Variants in L3HYPDH observed in about 807,000 individuals in gnomAD.
L3HYPDH encodes the protein trans-L-3-hydroxyproline dehydratase.
In L3HYPDH, 32 loss-of-function variants were observed where a neutral mutation model predicts 26.5. That is an observed-to-expected ratio of 1.21 (90% CI 0.91 to 1.62). The LOEUF is 1.62. Ranked by LOEUF, L3HYPDH falls within the 40% of genes most tolerant of loss-of-function variation. The probability of loss-of-function intolerance (pLI) is 0.00; values close to 1 mark genes in which losing one functional copy is unlikely to be tolerated. For synonymous variants in L3HYPDH, 215 were observed against 196.6 expected, an observed-to-expected ratio of 1.09 and a Z score of -0.78; for missense variants, 554 against 476.4, an observed-to-expected ratio of 1.16 and a Z score of -1.52.
chr14:59,484,206 C>T lies in L3HYPDH; in HGVS notation c.111G>A (p.Ala37=), dbSNP rs1890308038. The change falls in exon 1 of 5, where the codon GCG becomes GCA. Residue 37 remains alanine (A), a synonymous_variant. Transcript: ENST00000247194. ...TGGEPLRIVL[A]GCPEVSGPTL... Reference sequence around the variant, plus strand: ...TGGGCCCAGACACCTCCGGACACCCCGCCAGCACGATACGCAAGGGCTCGC... The same window carrying T: ...TGGGCCCAGACACCTCCGGACACCCTGCCAGCACGATACGCAAGGGCTCGC... 2 of 1,598,806 alleles carry T rather than the reference C, an allele frequency of 1.3e-6. No individual in the cohort carries two copies. Among genetic ancestry groups the T allele is most frequent in the Non-Finnish European group, 1.7e-6 (2 of 1,179,714 alleles).
At chr14:59,482,417 C>T (rs1207090951) in intron 1 of L3HYPDH, among the ~76,000 whole-genome samples, 2 of 152,164 alleles carry the variant, frequency 1.3e-5, no homozygotes, top group African/African-American at 4.8e-5. Context: ...GGTTGACTGA[C>T]CCTGCCCTAA....
At chr14:59,481,107 G>C (rs1431305819) in intron 1 of L3HYPDH, among the ~76,000 whole-genome samples, 1 of 152,122 alleles carries the variant, frequency 6.6e-6, no homozygotes, top group Non-Finnish European at 1.5e-5. Context: ...CTTGGGTCTG[G>C]TTTTCTTAGG....
chr14:59,483,691 T>C (rs748216883), intron 1 of L3HYPDH, 118 bp downstream of exon 1: 1 of 1,475,674 alleles, frequency 6.8e-7, no homozygotes, highest in Non-Finnish European at 9.0e-7. Context: ...TTTCTATTAA[T>C]TGCAAGGTTT....
downstream of L3HYPDH, among the ~76,000 whole-genome samples, chr14:59,468,774 G>A (rs746260791): frequency 9.2e-5 from 14 of 152,296 alleles, no homozygotes; most frequent in Non-Finnish European, 1.3e-4. Context: ...TTGAGTAACT[G>A]TAAGAGGAGA....
chr14:59,503,009 C>T, the L3HYPDH span, among the ~76,000 whole-genome samples: 3 of 151,786 alleles, frequency 2.0e-5, no homozygotes, highest in African/African-American at 7.3e-5. Flanking sequence ...CGGCCTCCCA[C>T]AGTGCTGAGA....
At chr14:59,500,680 C>T in the L3HYPDH span, among the ~76,000 whole-genome samples, 1 of 152,094 alleles carries the variant, frequency 6.6e-6, no homozygotes, top group African/African-American at 2.4e-5. Context: ...ATTATTTGAC[C>T]ATTTTTTTGA....
chr14:59,487,816 C>CG (rs1890693675), upstream of L3HYPDH: 4 of 1,613,156 alleles, frequency 2.5e-6, no homozygotes, highest in Non-Finnish European at 2.5e-6. Flanking sequence ...GAATGGTACT[C>CG]GGGGAAAAAG....
At chr14:59,486,450 G>C (rs987619590), upstream of L3HYPDH, among the ~76,000 whole-genome samples, 7 of 152,202 alleles carry the variant, frequency 4.6e-5, no homozygotes, top group Non-Finnish European at 1.0e-4. Context: ...GTTAGGCTTT[G>C]AGTCCTGGAG....
intron 1 of L3HYPDH, among the ~76,000 whole-genome samples, chr14:59,466,600 G>T (rs1889186557): frequency 6.6e-6 from 1 of 152,216 alleles, no homozygotes; most frequent in South Asian, 2.1e-4. Flanking sequence ...GCACAAATTT[G>T]AGAAACACTG....
At chr14:59,474,526 C>T in intron 4 of L3HYPDH, 2 of 699,982 alleles carry the variant, frequency 2.9e-6, no homozygotes, top group Non-Finnish European at 5.2e-6. Flanking sequence ...CATAACAGCT[C>T]CTATAATATA....
chr14:59,494,888 G>A, the L3HYPDH span: 9 of 652,724 alleles, frequency 1.4e-5, no homozygotes, highest in Non-Finnish European at 2.4e-5. Flanking sequence ...AGAAAAAAAG[G>A]TTATACTCGA....
chr14:59,502,185 T>C, the L3HYPDH span, among the ~76,000 whole-genome samples: 1 of 152,178 alleles, frequency 6.6e-6, no homozygotes, highest in Non-Finnish European at 1.5e-5. Flanking sequence ...GTTACTAATA[T>C]ATTAGTAACT....
In L3HYPDH at chr14:59,479,301, A is replaced by G; in HGVS notation, c.559T>C (p.Tyr187His). Residue 187 changes from tyrosine to histidine, a missense_variant, in exon 2 of 5, where the codon TAT becomes CAT. By Grantham distance (83) the Tyr-to-His change is moderately conservative. Transcript: ENST00000247194. ...GHGKVMVDIA[Y>H]GGAFYAFVTA... ...ACAAATGCATAAAATGCACCGCCAT[A>G]TGCAATGTCCACCATCACCTTTCCA... 6.2e-7 allele frequency: 1 copy of G among 1,613,780 alleles called. No individual in the cohort carries two copies. The highest frequency in any genetic ancestry group is 8.5e-7 in the Non-Finnish European group (1 of 1,179,932).
intron 4 of L3HYPDH, chr14:59,475,306 A>G (rs1309467314): frequency 2.0e-5 from 3 of 152,320 alleles, no homozygotes; most frequent in South Asian, 2.1e-4. Context: ...TTTTCTTTAT[A>G]TAAGTTATAT....
At chr14:59,488,059 T>C (rs1890714461), upstream of L3HYPDH, among the ~76,000 whole-genome samples, 1 of 152,192 alleles carries the variant, frequency 6.6e-6, no homozygotes, top group South Asian at 2.1e-4. Context: ...CTTGAAGGAA[T>C]ACTTTTACTT....
At chr14:59,484,776 A>G (rs940335277), upstream of L3HYPDH, 20 of 930,064 alleles carry the variant, frequency 2.2e-5, no homozygotes, top group Non-Finnish European at 3.0e-5. Context: ...TCTGTCCGCA[A>G]CGGGCTACTA....
At chr14:59,498,917 G>C in the L3HYPDH span, 2 of 1,539,934 alleles carry the variant, frequency 1.3e-6, no homozygotes, top group Non-Finnish European at 1.8e-6. Flanking sequence ...ATGTAAGTTT[G>C]ATGGGTAAAG....
chr14:59,480,520 G>A (rs1297112450), intron 1 of L3HYPDH, among the ~76,000 whole-genome samples: 1 of 152,228 alleles, frequency 6.6e-6, no homozygotes, highest in Non-Finnish European at 1.5e-5. Context: ...ACAACACATG[G>A]AGTGATGAGG....
intron 4 of L3HYPDH, chr14:59,474,390 C>T: frequency 1.6e-6 from 1 of 621,044 alleles, no homozygotes; most frequent in Non-Finnish European, 2.9e-6. Flanking sequence ...CAGCTGCTTC[C>T]CAGGAGTGCC....
Sources: gnomAD v4.1 joint callset for allele counts (sites outside exome capture counted in the v4.1 genomes callset) on GRCh38, gnomAD v4.1.1 for gene constraint, MANE v1.5 for transcripts, NCBI Gene and HGNC (gene_info 2026-07-23, HGNC 2026-07-21) for gene names.